The following LDB2 variants were observed in gnomAD, a reference collection of about 807,000 sequenced individuals.
The protein encoded by LDB2 is LIM domain binding 2.
A neutral mutation model predicts 44.3 loss-of-function variants in LDB2; 12 were observed. The observed-to-expected ratio is 0.27, with a 90% confidence interval of 0.17 to 0.44. LDB2 has a LOEUF of 0.44. LDB2 is among the 20% of genes least tolerant of loss of function. The pLI, the probability that LDB2 is intolerant of heterozygous loss-of-function variation, is 1.00. For synonymous variants in LDB2, 164 were observed against 174.8 expected (o/e 0.94, Z 0.49); for missense variants, 344 against 473.5 (o/e 0.73, Z 2.54).
chr4:16,897,232 A>T (rs528284417), intron 1 of LDB2, among the ~76,000 whole-genome samples: 6 of 152,288 alleles, frequency 3.9e-5, no homozygotes, highest in South Asian at 2.1e-4. Context: ...GTTAAAAGTC[A>T]ATCTTCAATC....
chr4:16,733,336 C>T (rs947016205), intron 2 of LDB2, among the ~76,000 whole-genome samples: 8 of 149,240 alleles, frequency 5.4e-5, no homozygotes, highest in African/African-American at 1.7e-4. Flanking sequence ...AACAGATACC[C>T]AATGATTAAG....
At chr4:16,628,572 T>A (rs1225376996) in intron 2 of LDB2, among the ~76,000 whole-genome samples, 2 of 152,040 alleles carry the variant, frequency 1.3e-5, no homozygotes, top group Admixed American at 1.3e-4. Context: ...GTTAAATCTT[T>A]TTTTTTTTTG....
intron 1 of LDB2, among the ~76,000 whole-genome samples, chr4:16,827,820 T>A (rs756461899): frequency 2.0e-5 from 3 of 152,092 alleles, no homozygotes; most frequent in Non-Finnish European, 2.9e-5. Context: ...AGCCTCAGAG[T>A]GGCCAGTACC....
intron 2 of LDB2, among the ~76,000 whole-genome samples, chr4:16,743,432 T>A (rs1244743033): frequency 6.6e-6 from 1 of 152,114 alleles, no homozygotes; most frequent in Non-Finnish European, 1.5e-5. Flanking sequence ...TCCTTGATCA[T>A]GAGTGGCTCT....
intron 2 of LDB2, among the ~76,000 whole-genome samples, chr4:16,640,437 T>C (rs1160186283): frequency 6.6e-6 from 1 of 152,182 alleles, no homozygotes; most frequent in Non-Finnish European, 1.5e-5. Context: ...GGAACAATCC[T>C]GACTTTTTAG....
intron 2 of LDB2, among the ~76,000 whole-genome samples, chr4:16,711,451 A>G (rs1323393280): frequency 6.6e-6 from 1 of 152,164 alleles, no homozygotes; most frequent in Non-Finnish European, 1.5e-5. Flanking sequence ...GATGGGAAAA[A>G]GTGAGGATGA....
chr4:16,543,635 ATG>A (rs1328745685), intron 5 of LDB2, among the ~76,000 whole-genome samples: 2 of 152,368 alleles, frequency 1.3e-5, no homozygotes, highest in African/African-American at 4.8e-5. Context: ...AAAGACTTAA[ATG>A]TTAGACCTAA....
intron 2 of LDB2, among the ~76,000 whole-genome samples, chr4:16,738,048 GC>G (rs375523440): frequency 1.5e-3 from 225 of 152,286 alleles, no homozygotes; most frequent in African/African-American, 5.1e-3. Context: ...ATGTGAGTTT[GC>G]TCTAATCCCA....
intron 2 of LDB2, among the ~76,000 whole-genome samples, chr4:16,718,292 A>G (rs1460852000): frequency 5.9e-5 from 9 of 152,082 alleles, no homozygotes; most frequent in Non-Finnish European, 1.5e-5. Context: ...ATATATAATT[A>G]TATATGTAAC....
intron 2 of LDB2, among the ~76,000 whole-genome samples, chr4:16,744,510 T>C (rs753714508): frequency 7.2e-5 from 11 of 151,884 alleles, no homozygotes; most frequent in Non-Finnish European, 1.6e-4. Flanking sequence ...AGTCTCACTC[T>C]GTTGCCCAGG....
At chr4:16,652,714 C>T (rs987682788) in intron 2 of LDB2, among the ~76,000 whole-genome samples, 5 of 152,148 alleles carry the variant, frequency 3.3e-5, no homozygotes, top group Non-Finnish European at 5.9e-5. Flanking sequence ...CAAAATACAC[C>T]AGGTGTGAAG....
At chr4:16,576,234 A>T (rs1420943990) in intron 5 of LDB2, among the ~76,000 whole-genome samples, 1 of 152,170 alleles carries the variant, frequency 6.6e-6, no homozygotes, top group Admixed American at 6.5e-5. Context: ...AATAACAAAG[A>T]TCAGAGCAGG....
intron 1 of LDB2, among the ~76,000 whole-genome samples, chr4:16,777,686 A>G (rs1405271496): frequency 6.6e-6 from 1 of 152,114 alleles, no homozygotes; most frequent in Admixed American, 6.5e-5. Context: ...GACTTTGAGT[A>G]AATTCCTTCT....
chr4:16,556,859 T>C (rs1739810627), intron 5 of LDB2, among the ~76,000 whole-genome samples: 1 of 152,226 alleles, frequency 6.6e-6, no homozygotes, highest in Non-Finnish European at 1.5e-5. Context: ...CATAAGAACA[T>C]TACTTTGGTT....
chr4:16,650,395 C>T (rs1029422444), intron 2 of LDB2, among the ~76,000 whole-genome samples: 9 of 152,056 alleles, frequency 5.9e-5, no homozygotes, highest in African/African-American at 2.2e-4. Flanking sequence ...GTAATTTTTT[C>T]ATTCACCCAG....
At chr4:16,759,134 T>C in intron 2 of LDB2, 24 bp downstream of exon 2, 1 of 1,530,674 alleles carries the variant, frequency 6.5e-7, no homozygotes, top group South Asian at 1.1e-5. Context: ...GAGGTAATAT[T>C]AGAAAAATAA....
At chr4:16,748,426 T>C (rs975738695) in intron 2 of LDB2, among the ~76,000 whole-genome samples, 1 of 152,214 alleles carries the variant, frequency 6.6e-6, no homozygotes, top group Admixed American at 6.5e-5. Context: ...TACTCCAATA[T>C]GATTACCTTG....
In LDB2 at chr4:16,898,438, T is replaced by C. The variant is rs745772327; in HGVS notation, c.48A>G (p.Pro16=). Residue 16 remains proline (P), a synonymous_variant, in exon 1 of 8, where the codon CCA becomes CCG. Transcript: ENST00000304523. ...TGTATGGTGTATGCCTCCTATAAAA[T>C]GGGCCGAAAGGAGAAGAATAGAAGG... The part of the protein sequence containing the change: ...HDPFYSSPFG[P]FYRRHTPYMV... The C allele has an allele frequency of 1.3e-5, 21 of 1,613,650 alleles. No homozygotes were observed. Among genetic ancestry groups the C allele is most frequent in the Admixed American group, 3.3e-5 (2 of 59,980 alleles).
intron 2 of LDB2, among the ~76,000 whole-genome samples, chr4:16,722,147 G>A (rs373944548): frequency 6.6e-6 from 1 of 152,084 alleles, no homozygotes; most frequent in African/African-American, 2.4e-5. Context: ...CATAGTAGCA[G>A]CTACTACTTC....
Sources: gnomAD v4.1 joint callset for allele counts (sites outside exome capture counted in the v4.1 genomes callset) on GRCh38, gnomAD v4.1.1 for gene constraint, MANE v1.5 for transcripts, NCBI Gene and HGNC (gene_info 2026-07-23, HGNC 2026-07-21) for gene names.